Variants in SLC8A1 observed in about 807,000 individuals in gnomAD.
SLC8A1 encodes the protein sodium/calcium exchanger 1.
SLC8A1 carries 18 observed loss-of-function variants against 68.3 expected under a neutral mutation model. The observed-to-expected ratio is 0.26, with a 90% CI of 0.18 to 0.39. SLC8A1 has a LOEUF of 0.39. SLC8A1 is among the 10% of genes least tolerant of loss of function. SLC8A1 has a pLI of 1.00. For synonymous variants in SLC8A1, 475 were observed against 415.5 expected (o/e 1.14, Z -1.74); for missense variants, 985 against 1,156.7 (o/e 0.85, Z 2.15).
intron 2 of SLC8A1, among the ~76,000 whole-genome samples, chr2:40,378,528 C>G (rs150249872): frequency 6.6e-6 from 1 of 152,174 alleles, no homozygotes; most frequent in African/African-American, 2.4e-5. Flanking sequence ...AAGTGCGAAG[C>G]TAGTGGAGAG....
intron 2 of SLC8A1, among the ~76,000 whole-genome samples, chr2:40,275,859 G>T (rs1217835326): frequency 6.6e-6 from 1 of 152,120 alleles, no homozygotes; most frequent in Non-Finnish European, 1.5e-5. Flanking sequence ...GGTGAAGTGG[G>T]GCATGGTGGT....
chr2:40,465,663 T>G, intron 1 of SLC8A1, among the ~76,000 whole-genome samples: 1 of 152,194 alleles, frequency 6.6e-6, no homozygotes, highest in East Asian at 1.9e-4. Flanking sequence ...TAAAGAATTT[T>G]AATATATATA....
At chr2:40,489,231 C>G (rs1705167030) in intron 1 of SLC8A1, among the ~76,000 whole-genome samples, 1 of 152,058 alleles carries the variant, frequency 6.6e-6, no homozygotes, top group South Asian at 2.1e-4. Flanking sequence ...AATTAATAAT[C>G]AAGTCTGTCT....
chr2:40,167,661 T>C (rs148768999), intron 4 of SLC8A1, among the ~76,000 whole-genome samples: 9 of 152,290 alleles, frequency 5.9e-5, no homozygotes, highest in Non-Finnish European at 1.2e-4. Flanking sequence ...CCTTTATGTA[T>C]TCACCTGGAC....
intron 2 of SLC8A1, chr2:40,250,981 C>T (rs1252910414): frequency 1.3e-5 from 2 of 151,900 alleles, no homozygotes; most frequent in Non-Finnish European, 2.9e-5. Flanking sequence ...ATGAAGGCGT[C>T]GGGGGAGAAT....
intron 2 of SLC8A1, among the ~76,000 whole-genome samples, chr2:40,273,339 C>T (rs988745728): frequency 6.6e-5 from 10 of 151,798 alleles, no homozygotes; most frequent in African/African-American, 1.7e-4. Flanking sequence ...GTGATCCACC[C>T]GCCTCGGCTT....
intron 1 of SLC8A1, among the ~76,000 whole-genome samples, chr2:40,445,450 G>C (rs1291174188): frequency 2.0e-5 from 3 of 150,154 alleles, no homozygotes; most frequent in African/African-American, 5.0e-5. Context: ...CACAGGGAAA[G>C]AAAAAGAAAA....
intron 2 of SLC8A1, among the ~76,000 whole-genome samples, chr2:40,385,954 T>A (rs1683414420): frequency 7.0e-6 from 1 of 143,248 alleles, no homozygotes; most frequent in African/African-American, 2.8e-5. Context: ...CACAAAAATG[T>A]AAACCTTCTG....
intron 2 of SLC8A1, among the ~76,000 whole-genome samples, chr2:40,276,469 A>G (rs1319005112): frequency 6.6e-6 from 1 of 152,218 alleles, no homozygotes; most frequent in African/African-American, 2.4e-5. Flanking sequence ...GAGAATGTCT[A>G]TTCCTAATGC....
chr2:40,441,360 C>T (rs2149830126), intron 1 of SLC8A1, among the ~76,000 whole-genome samples: 1 of 151,264 alleles, frequency 6.6e-6, no homozygotes, highest in African/African-American at 2.4e-5. Flanking sequence ...AATGCTATTC[C>T]CATCAAACTA....
chr2:40,102,555 A>G (rs1347613431), exon 8 of SLC8A1: 1 of 152,150 alleles, frequency 6.6e-6, no homozygotes, highest in Non-Finnish European at 1.5e-5. Flanking sequence ...GATGTGGGTC[A>G]ATCCAAGAGG....
rs748107996 is a variant in SLC8A1 at position 40,205,912 on chromosome 2, C to T, written c.1809-28057G>A. ...AACTGGCCCATGGGTGCAGGGATCA[C>T]GTTTTCCTACCTAGAAAGGGAAACA... is the stretch of plus-strand genomic sequence containing the variant. On this transcript the variant is annotated intron_variant, in intron 2 of 7. Coordinates refer to ENST00000406785, the Ensembl canonical transcript of SLC8A1. 6.6e-5 allele frequency among the ~76,000 whole-genome samples: 10 copies of T among 151,404 alleles called. No homozygotes were observed. In the East Asian group the frequency reaches 7.8e-4, roughly 12 times the overall value.
At chr2:40,207,495 A>AT (rs2055681345) in intron 2 of SLC8A1, among the ~76,000 whole-genome samples, 1 of 152,090 alleles carries the variant, frequency 6.6e-6, no homozygotes, top group Admixed American at 6.6e-5. Flanking sequence ...TTACAGTTTC[A>AT]TAAAAAAAAA....
chr2:40,138,120 C>T (rs567517907), intron 7 of SLC8A1, among the ~76,000 whole-genome samples: 3 of 152,148 alleles, frequency 2.0e-5, no homozygotes, highest in African/African-American at 4.8e-5. Flanking sequence ...CATAATTCTG[C>T]ATGTTAAGTA....
At chr2:40,503,213 G>T (rs1340321301) in intron 1 of SLC8A1, among the ~76,000 whole-genome samples, 1 of 151,950 alleles carries the variant, frequency 6.6e-6, no homozygotes, top group Non-Finnish European at 1.5e-5. Context: ...TCCATAATTT[G>T]TCTTAATTTT....
chr2:40,291,497 T>A (rs1394538951), intron 2 of SLC8A1, among the ~76,000 whole-genome samples: 2 of 152,104 alleles, frequency 1.3e-5, no homozygotes. Flanking sequence ...AACAGCATGA[T>A]GTGATCCGCT....
intron 2 of SLC8A1, among the ~76,000 whole-genome samples, chr2:40,227,038 G>A (rs1205874588): frequency 6.6e-6 from 1 of 151,988 alleles, no homozygotes; most frequent in East Asian, 1.9e-4. Flanking sequence ...TTTTAAATGG[G>A]GTAGTGGACA....
chr2:40,098,024 A>G (rs2033677596), exon 8 of SLC8A1: 1 of 152,040 alleles, frequency 6.6e-6, no homozygotes, highest in Non-Finnish European at 1.5e-5. Context: ...CTAGATTAAC[A>G]GGCAGTGTAA....
intron 2 of SLC8A1, among the ~76,000 whole-genome samples, chr2:40,353,411 G>A (rs192059851): frequency 2.8e-4 from 42 of 152,106 alleles, no homozygotes; most frequent in African/African-American, 7.5e-4. Context: ...CCTGTTCTCC[G>A]CAGGCTCTCC....
Sources: allele counts gnomAD v4.1 joint callset (sites outside exome capture counted in the v4.1 genomes callset), GRCh38; gene constraint gnomAD v4.1.1; transcripts MANE v1.5; gene names NCBI Gene and HGNC (gene_info 2026-07-23, HGNC 2026-07-21).